Variants in CETN3 observed in about 807,000 individuals in gnomAD.
The protein encoded by CETN3 is centrin 3.
Under a neutral mutation model 20.1 loss-of-function variants are expected in CETN3, and 17 were observed. The observed-to-expected ratio is 0.85, with a 90% CI of 0.58 to 1.27. The LOEUF (loss-of-function observed/expected upper bound fraction) is 1.27, where lower values mean the gene tolerates loss of function less well. Among genes scored for constraint, CETN3 ranks in the 50% most tolerant of loss-of-function variants. The pLI is 0.00. For synonymous variants in CETN3, 52 were observed against 59.7 expected (o/e 0.87, Z 0.59); for missense variants, 169 against 191.2 (o/e 0.88, Z 0.69).
chr5:90,399,591 T>C (rs779397814), intron 3 of CETN3, 42 bp from the exon 4 acceptor site: 4 of 1,453,902 alleles, frequency 2.8e-6, no homozygotes, highest in Non-Finnish European at 2.9e-6. Context: ...ACCTGCATAA[T>C]CACAAAGGCA....
intron 4 of CETN3, chr5:90,396,346 A>T (rs1471750680): frequency 7.5e-7 from 1 of 1,338,950 alleles, no homozygotes; most frequent in African/African-American, 1.5e-5. Context: ...ACTACTTTCA[A>T]GAATCTTACA....
Position 90,403,865 on chromosome 5 carries a change from T to C in CETN3, c.268+1820A>G, listed in dbSNP as rs1237028184. Among the ~76,000 whole-genome samples, 7 of 102,354 alleles carry C rather than the reference T, an allele frequency of 6.8e-5. No homozygotes were observed. The East Asian group carries it at 8.7e-4, about 13-fold the overall frequency. 67.1% of individuals were successfully genotyped at this position (102,354 alleles called of 152,430 possible). On this transcript the variant is annotated intron_variant, in intron 3 of 4. Coordinates refer to ENST00000283122, the MANE Select transcript of CETN3 (RefSeq NM_004365.4). Reference sequence around the variant, plus strand: ...CAGCCTGGGCGACAGAGCGAGACTCTGTCTCAAAAGAAAAAAAAAAAAAAA... The same window carrying C: ...CAGCCTGGGCGACAGAGCGAGACTCCGTCTCAAAAGAAAAAAAAAAAAAAA...
chr5:90,400,385 T>C (rs1443771512), intron 3 of CETN3, among the ~76,000 whole-genome samples: 1 of 152,094 alleles, frequency 6.6e-6, no homozygotes, highest in African/African-American at 2.4e-5. Context: ...ATTTTACCAG[T>C]CTTTAATCAA....
At chr5:90,407,049 A>G (rs1749471252) in intron 2 of CETN3, among the ~76,000 whole-genome samples, 1 of 152,004 alleles carries the variant, frequency 6.6e-6, no homozygotes, top group Admixed American at 6.6e-5. Flanking sequence ...ACTTACATTC[A>G]CCTATCCATT....
rs886260547 is a variant in CETN3, at chr5:90,396,071, T to C, written c.461-1964A>G. The C allele has an allele frequency of 9.5e-6, 9 of 946,000 alleles. No individual in the cohort carries two copies. In the African/African-American group the frequency reaches 1.6e-4, roughly 17 times the overall value. The allele number at this position is 946,000 out of a possible 1,614,324, so 58.6% of individuals were successfully genotyped here. A position where few individuals can be genotyped will look rare whatever the true frequency, so the allele number is the denominator to read the frequency against. On this transcript the variant is annotated intron_variant, in intron 4 of 4. Transcript: ENST00000283122. ...TTATTACTAATAAGAAAAATTTAGG[T>C]AAAGGTAAATCATTACTTGGGCTCT... is the stretch of plus-strand genomic sequence containing the variant.
At chr5:90,404,012 A>C (rs1019946996) in intron 3 of CETN3, among the ~76,000 whole-genome samples, 1 of 152,158 alleles carries the variant, frequency 6.6e-6, no homozygotes, top group Non-Finnish European at 1.5e-5. Flanking sequence ...TAAAAAATAT[A>C]CACAAAGTCT....
At chr5:90,408,689 T>C (rs928093704) in intron 1 of CETN3, among the ~76,000 whole-genome samples, 1 of 151,056 alleles carries the variant, frequency 6.6e-6, no homozygotes, top group East Asian at 1.9e-4. Flanking sequence ...AACACTGGAA[T>C]AACGAGTTTT....
chr5:90,403,142 A>G (rs1419426990), intron 3 of CETN3, among the ~76,000 whole-genome samples: 1 of 152,214 alleles, frequency 6.6e-6, no homozygotes, highest in Non-Finnish European at 1.5e-5. Context: ...AGTACTAGGA[A>G]GAGTCTATAA....
intron 3 of CETN3, among the ~76,000 whole-genome samples, chr5:90,405,217 G>A (rs1749404065): frequency 6.6e-6 from 1 of 152,028 alleles, no homozygotes; most frequent in Admixed American, 6.6e-5. Flanking sequence ...ACCTGAAGTC[G>A]TGCATTTCAT....
intron 3 of CETN3, among the ~76,000 whole-genome samples, chr5:90,404,932 C>T (rs1425164060): frequency 6.6e-6 from 1 of 151,270 alleles, no homozygotes; most frequent in African/African-American, 2.4e-5. Context: ...CTAGACAATA[C>T]ATTTAAGTTA....
At chr5:90,405,504 A>G (rs1229666562) in intron 3 of CETN3, 181 bp downstream of exon 3, 8 of 561,592 alleles carry the variant, frequency 1.4e-5, no homozygotes, top group Non-Finnish European at 2.5e-5. Flanking sequence ...TAAATCTCAG[A>G]GCAAAGCCAT....
At chr5:90,405,820 A>G (rs1214516156) in intron 2 of CETN3, 21 bp from the exon 3 acceptor site, 3 of 1,454,244 alleles carry the variant, frequency 2.1e-6, no homozygotes, top group Non-Finnish European at 2.9e-6. Flanking sequence ...AAAAAGGAAA[A>G]GCAAATTATA....
intron 4 of CETN3, chr5:90,396,140 G>A: frequency 2.0e-6 from 2 of 981,740 alleles, no homozygotes; most frequent in South Asian, 4.7e-5. Flanking sequence ...AAAGAGAGCT[G>A]GGGTGGGAGA....
chr5:90,407,736 G>A lies in CETN3; in HGVS notation c.116C>T (p.Thr39Ile). ...EIKDAFELFD[T>I]DKDEAIDYHE... Reference sequence around the variant, plus strand: ...ATAATCTATTGCTTCATCTTTGTCTGTATCAAATAGTTCAAAAGCATCTTT... The same window carrying A: ...ATAATCTATTGCTTCATCTTTGTCTATATCAAATAGTTCAAAAGCATCTTT... The change falls in exon 2 of 5, where the codon ACA (threonine) becomes ATA (isoleucine). Residue 39 changes from threonine (T) to isoleucine (I), a missense_variant. Thr to Ile is a moderately conservative substitution (Grantham distance 89). Coordinates refer to ENST00000283122, the MANE Select transcript of CETN3 (RefSeq NM_004365.4). 1 of 1,576,206 alleles carries A rather than the reference G, an allele frequency of 6.3e-7. No homozygotes were observed. Among genetic ancestry groups the A allele is most frequent in the Non-Finnish European group, 8.7e-7 (1 of 1,151,752 alleles).
chr5:90,399,234 G>A (rs1170145247), intron 4 of CETN3, 124 bp downstream of exon 4: 3 of 742,026 alleles, frequency 4.0e-6, no homozygotes, highest in Non-Finnish European at 6.8e-6. Flanking sequence ...TATTTAGACA[G>A]AAGGTCCATT....
Position 90,409,705 on chromosome 5 carries a change from C to A in CETN3, c.-44G>T, listed in dbSNP as rs891394666. ...CGTTCCTCTCAAGAACGATTTTAAC[C>A]CCCTACCCAAGGCAGCAAGACGCCC... On this transcript the variant is annotated 5_prime_UTR_variant, in exon 1 of 5. Coordinates refer to ENST00000283122, the MANE Select transcript of CETN3 (RefSeq NM_004365.4). 28 of 1,613,912 alleles carry A rather than the reference C, an allele frequency of 1.7e-5. No homozygotes were observed. Among genetic ancestry groups the A allele is most frequent in the Non-Finnish European group, 2.3e-5 (27 of 1,179,882 alleles).
chr5:90,393,897 G>A lies in CETN3; in HGVS notation c.*167C>T. Reference sequence around the variant, plus strand: ...AAACTATCTGAGTACTAACAACACAGTTCATACAAAGAAACTTAACAGTAG... The same window carrying A: ...AAACTATCTGAGTACTAACAACACAATTCATACAAAGAAACTTAACAGTAG... On this transcript the variant is annotated 3_prime_UTR_variant, in exon 5 of 5. Coordinates refer to ENST00000283122, the MANE Select transcript of CETN3 (RefSeq NM_004365.4). The A allele has an allele frequency of 1.8e-6, 1 of 549,208 alleles. No individual in the cohort carries two copies. Among genetic ancestry groups the A allele is most frequent in the Non-Finnish European group, 3.2e-6 (1 of 314,528 alleles). 34.0% of individuals were successfully genotyped at this position (549,208 alleles called of 1,614,324 possible).
chr5:90,407,655 A>C, intron 2 of CETN3, 44 bp downstream of exon 2: 1 of 1,292,062 alleles, frequency 7.7e-7, no homozygotes. Context: ...TAAAAATGCA[A>C]ATCATTTTAA....
chr5:90,397,001 A>T (rs1749150478), intron 4 of CETN3, among the ~76,000 whole-genome samples: 1 of 152,104 alleles, frequency 6.6e-6, no homozygotes. Context: ...AGTAATCTAG[A>T]GATGATTTAA....
Sources: gnomAD v4.1 joint callset for allele counts (sites outside exome capture counted in the v4.1 genomes callset) on GRCh38, gnomAD v4.1.1 for gene constraint, MANE v1.5 for transcripts, NCBI Gene and HGNC (gene_info 2026-07-23, HGNC 2026-07-21) for gene names.